Variants in KLHDC10 observed in about 807,000 individuals in gnomAD.
KLHDC10 encodes kelch domain containing 10, also known as kelch domain-containing protein 10.
A neutral mutation model predicts 56.1 loss-of-function variants in KLHDC10; 24 were observed. The observed-to-expected ratio is 0.43, with a 90% CI of 0.31 to 0.60. KLHDC10 has a LOEUF of 0.60. Among genes scored for constraint, KLHDC10 ranks in the 20% least tolerant of loss-of-function variants. KLHDC10 has a pLI of 0.11. For missense variants in KLHDC10, 349 were observed against 567.0 expected (o/e 0.62, Z 3.91); for synonymous variants, 188 against 207.1 (o/e 0.91, Z 0.79).
chr7:130,081,534 G>A (rs1443857864), intron 1 of KLHDC10, among the ~76,000 whole-genome samples: 1 of 149,736 alleles, frequency 6.7e-6, no homozygotes, highest in African/African-American at 2.5e-5. Context: ...GCCCAGGCTG[G>A]TTTTGAACTC....
intron 1 of KLHDC10, among the ~76,000 whole-genome samples, chr7:130,087,972 G>A (rs922148625): frequency 6.6e-6 from 1 of 151,892 alleles, no homozygotes; most frequent in African/African-American, 2.4e-5. Context: ...TGTTGGCCAG[G>A]CTGGTCTCGA....
At chr7:130,079,167 C>T (rs1360925852) in intron 1 of KLHDC10, among the ~76,000 whole-genome samples, 5 of 151,780 alleles carry the variant, frequency 3.3e-5, no homozygotes, top group Non-Finnish European at 7.4e-5. Flanking sequence ...AAGTGATTCT[C>T]CTGGCTCAGC....
At position 130,131,081 on chromosome 7, in the gene KLHDC10, T is replaced by C. The variant is rs1584643372; in HGVS notation, c.*335T>C. The C allele has an allele frequency of 5.3e-6, 1 of 190,414 alleles. No homozygotes were observed. Among genetic ancestry groups the C allele is most frequent in the East Asian group, 1.2e-4 (1 of 8,264 alleles). The allele number at this position is 190,414 out of a possible 1,614,324, so 11.8% of individuals were successfully genotyped here. ...GATTCCTTTTTAAAGGAATTCTGAATAGTTCCATGTCATACAATATTCTAG... is the reference window on the plus strand; with the variant it reads ...GATTCCTTTTTAAAGGAATTCTGAACAGTTCCATGTCATACAATATTCTAG... On this transcript the variant is annotated 3_prime_UTR_variant, in exon 10 of 10. Transcript: ENST00000335420.
rs1320332997 is a variant in KLHDC10 at position 130,131,401 on chromosome 7, T to C, written c.*655T>C. ...CTCTTGGTTAGTGATTTCTTTCTCA[T>C]CCTCATGGTGCCAGCAGTGGTTAGA... On this transcript the variant is annotated 3_prime_UTR_variant, in exon 10 of 10. Transcript: ENST00000335420. 1 of 152,428 alleles carries C rather than the reference T, an allele frequency of 6.6e-6. No homozygotes were observed. Among genetic ancestry groups the C allele is most frequent in the East Asian group, 1.9e-4 (1 of 5,190 alleles). 9.4% of individuals were successfully genotyped at this position (152,428 alleles called of 1,614,324 possible).
chr7:130,124,494 T>C lies in KLHDC10; in HGVS notation c.823T>C (p.Leu275=). 1 of 1,605,956 alleles carries C rather than the reference T, an allele frequency of 6.2e-7. No individual in the cohort carries two copies. Among genetic ancestry groups the C allele is most frequent in the South Asian group, 1.1e-5 (1 of 90,668 alleles). ...IAHDGQRIYI[L]GGGTSWTAYS... ...ACATGACGGGCAGAGGATTTACATC[T>C]TGGGAGGTGGTACTTCCTGGACAGC... The change falls in exon 6 of 10, where the codon TTG becomes CTG. Residue 275 remains leucine, a synonymous_variant. Coordinates refer to ENST00000335420, the MANE Select transcript of KLHDC10 (RefSeq NM_014997.4).
rs1446417683 is a variant in KLHDC10, at chr7:130,120,332, A to G, written c.476-417A>G. Among the ~76,000 whole-genome samples the G allele has an allele frequency of 6.6e-6, 1 of 152,212 alleles. No homozygotes were observed. Among genetic ancestry groups the G allele is most frequent in the Non-Finnish European group, 1.5e-5 (1 of 68,036 alleles). On this transcript the variant is annotated intron_variant, in intron 3 of 9. Coordinates refer to ENST00000335420, the MANE Select transcript of KLHDC10 (RefSeq NM_014997.4). This position sits in a 1 kb window ranked among gnomAD's most constrained non-coding sequence, Gnocchi z 5.1. ...CGTCATATATGCCTAGCAATGAACT[A>G]TGTGATAGAGCCCATATAGTGGAAT... is the stretch of plus-strand genomic sequence containing the variant.
In KLHDC10 at chr7:130,120,324, A is replaced by G. The variant is rs534957602; in HGVS notation, c.476-425A>G. 6.6e-6 allele frequency among the ~76,000 whole-genome samples: 1 copy of G among 152,358 alleles called. No homozygotes were observed. The highest frequency in any genetic ancestry group is 2.4e-5 in the African/African-American group (1 of 41,590). On this transcript the variant is annotated intron_variant, in intron 3 of 9. Coordinates refer to ENST00000335420, the MANE Select transcript of KLHDC10 (RefSeq NM_014997.4). The surrounding 1 kb of genome is among the most constrained non-coding windows in gnomAD (Gnocchi z 5.1). ...ATTGAATACGTCATATATGCCTAGCAATGAACTATGTGATAGAGCCCATAT... is the reference window on the plus strand; with the variant it reads ...ATTGAATACGTCATATATGCCTAGCGATGAACTATGTGATAGAGCCCATAT...
chr7:130,079,211 C>CA (rs1485841656), intron 1 of KLHDC10, among the ~76,000 whole-genome samples: 17 of 152,080 alleles, frequency 1.1e-4, no homozygotes, highest in South Asian at 2.1e-4. Context: ...GTGCCCGCCA[C>CA]AACGTCTGGC....
chr7:130,080,873 A>G (rs1795593787), intron 1 of KLHDC10, among the ~76,000 whole-genome samples: 1 of 152,022 alleles, frequency 6.6e-6, no homozygotes, highest in Non-Finnish European at 1.5e-5. Flanking sequence ...ATTTGCAACT[A>G]CTCATTATCA....
chr7:130,077,409 G>C (rs1795526139), intron 1 of KLHDC10, among the ~76,000 whole-genome samples: 2 of 139,604 alleles, frequency 1.4e-5, no homozygotes, highest in African/African-American at 5.4e-5. Flanking sequence ...TGTCATTCAA[G>C]TATTGTTTTG....
intron 1 of KLHDC10, among the ~76,000 whole-genome samples, chr7:130,073,238 A>AC (rs1447510405): frequency 1.3e-5 from 2 of 151,822 alleles, no homozygotes; most frequent in African/African-American, 2.4e-5. Context: ...AACAACAACA[A>AC]AAAACTATAG....
At chr7:130,084,512 G>C (rs1357652602) in intron 1 of KLHDC10, among the ~76,000 whole-genome samples, 1 of 152,116 alleles carries the variant, frequency 6.6e-6, no homozygotes, top group Non-Finnish European at 1.5e-5. Flanking sequence ...GGTGGTTGAC[G>C]CCTGTAATCC....
intron 1 of KLHDC10, among the ~76,000 whole-genome samples, chr7:130,081,781 A>G (rs1431307326): frequency 3.3e-5 from 5 of 152,158 alleles, no homozygotes; most frequent in Non-Finnish European, 7.3e-5. Context: ...CTATGTTTTC[A>G]GTAGTGTCTG....
intron 2 of KLHDC10, 54 bp downstream of exon 2, chr7:130,097,061 G>A: frequency 8.2e-7 from 1 of 1,220,326 alleles, no homozygotes; most frequent in South Asian, 1.7e-5. Context: ...AGGGAACTTT[G>A]AATGAATTTT....
At chr7:130,125,131 T>C (rs1183964914) in intron 6 of KLHDC10, among the ~76,000 whole-genome samples, 1 of 152,226 alleles carries the variant, frequency 6.6e-6, no homozygotes, top group Non-Finnish European at 1.5e-5. Context: ...ATTATAAAAA[T>C]GATACATGCC....
rs1471647387 is a variant in KLHDC10, at chr7:130,133,098, CT to C, written c.*2356del. The stretch of plus-strand genomic sequence containing the variant: ...ATATATCCTTGGTCTAAAGTGTCTT[CT>C]TTTAATATAACACTAGTAAAAATGA... On this transcript the variant is annotated 3_prime_UTR_variant, in exon 10 of 10. Transcript: ENST00000335420. 1 of 152,186 alleles carries C rather than the reference CT, an allele frequency of 6.6e-6. No individual in the cohort carries two copies. Among genetic ancestry groups the C allele is most frequent in the African/African-American group, 2.4e-5 (1 of 41,436 alleles). 9.4% of individuals were successfully genotyped at this position (152,186 alleles called of 1,614,324 possible).
chr7:130,116,704 A>G lies in KLHDC10; in HGVS notation c.475+38A>G. On this transcript the variant is annotated intron_variant, in intron 3 of 9. Coordinates refer to ENST00000335420, the MANE Select transcript of KLHDC10 (RefSeq NM_014997.4). This position sits in a 1 kb window ranked among gnomAD's most constrained non-coding sequence, Gnocchi z 4.8. ...AGTTCGTAACTCCTGACTTTATGAA[A>G]TGTCTGAGAAGCCAGGTTCAATGTC... 6.7e-7 allele frequency: 1 copy of G among 1,499,756 alleles called. No homozygotes were observed. The highest frequency in any genetic ancestry group is 9.3e-7 in the Non-Finnish European group (1 of 1,076,936). 92.9% of individuals were successfully genotyped at this position (1,499,756 alleles called of 1,614,324 possible).
rs563624857 is a variant in KLHDC10, at chr7:130,120,258, A to G, written c.476-491A>G. Among the ~76,000 whole-genome samples the G allele has an allele frequency of 1.4e-3, 220 of 152,306 alleles. No homozygotes were observed. The highest frequency in any genetic ancestry group is 5.2e-3 in the African/African-American group (215 of 41,562). On this transcript the variant is annotated intron_variant, in intron 3 of 9. Coordinates refer to ENST00000335420, the MANE Select transcript of KLHDC10 (RefSeq NM_014997.4). This position sits in a 1 kb window ranked among gnomAD's most constrained non-coding sequence, Gnocchi z 5.1. The stretch of plus-strand genomic sequence containing the variant: ...GGTAGACTGTAGTTCATGGAACTCA[A>G]TATTATTATACACAGTATTTAGTGA...
At chr7:130,129,696 T>G in intron 9 of KLHDC10, 120 bp downstream of exon 9, 1 of 905,094 alleles carries the variant, frequency 1.1e-6, no homozygotes, top group Non-Finnish European at 1.6e-6. Flanking sequence ...ATAACATATT[T>G]TTAAAACTTC....
Sources: gnomAD v4.1 joint callset for allele counts (sites outside exome capture counted in the v4.1 genomes callset) on GRCh38, gnomAD v4.1.1 for gene constraint, Gnocchi (gnomAD v3.1) non-coding constraint, MANE v1.5 for transcripts, NCBI Gene and HGNC (gene_info 2026-07-23, HGNC 2026-07-21) for gene names.